PPFIA1: variants seen among roughly 807,000 people sequenced by gnomAD.
PPFIA1 encodes PPFI scaffold protein A1.
In PPFIA1, 25 loss-of-function variants were observed where a neutral mutation model predicts 149.9. That is an observed-to-expected ratio of 0.17 (90% confidence interval 0.12 to 0.23). The LOEUF is 0.23. Ranked by LOEUF, PPFIA1 falls within the 10% of genes least tolerant of loss-of-function variation. The pLI is 1.00. For synonymous variants in PPFIA1, 549 were observed against 552.8 expected, an observed-to-expected ratio of 0.99 and a Z score of 0.10; for missense variants, 1,362 against 1,506.5, an observed-to-expected ratio of 0.90 and a Z score of 1.59.
In PPFIA1 at chr11:70,376,570, G is replaced by C; in HGVS notation, c.3354G>C (p.Leu1118Phe). The C allele has an allele frequency of 6.2e-7, 1 of 1,613,986 alleles. No individual in the cohort carries two copies. The highest frequency in any genetic ancestry group is 2.2e-5 in the East Asian group (1 of 44,886). Residue 1118 changes from leucine to phenylalanine, a missense_variant, in exon 25 of 28, where the codon TTG (leucine) becomes TTC (phenylalanine). Transcript: ENST00000253925. The part of the protein sequence containing the change: ...AVLEREFNNL[L>F]VMGTDRRFDE... ...TGGAAAGAGAATTTAACAACCTTTT[G>C]GTCATGGGGACTGATAGAAGGTTTG... is the stretch of plus-strand genomic sequence containing the variant.
intron 11 of PPFIA1, among the ~76,000 whole-genome samples, chr11:70,336,838 G>T (rs1379221318): frequency 1.3e-5 from 2 of 152,206 alleles, no homozygotes; most frequent in Non-Finnish European, 2.9e-5. Flanking sequence ...GAGATTGGTT[G>T]TTAGGATTGG....
intron 2 of PPFIA1, among the ~76,000 whole-genome samples, chr11:70,324,136 G>A (rs1157139104): frequency 6.6e-6 from 1 of 152,244 alleles, no homozygotes; most frequent in Non-Finnish European, 1.5e-5. Flanking sequence ...TGGCTGCTGA[G>A]AAGGTGGACT....
chr11:70,305,456 C>T (rs2052785835), intron 2 of PPFIA1, among the ~76,000 whole-genome samples: 1 of 152,084 alleles, frequency 6.6e-6, no homozygotes, highest in South Asian at 2.1e-4. Flanking sequence ...CCTGCAGCCT[C>T]GACCTCCTGG....
chr11:70,305,094 C>T (rs2052758779), intron 2 of PPFIA1, among the ~76,000 whole-genome samples: 1 of 152,132 alleles, frequency 6.6e-6, no homozygotes, highest in Non-Finnish European at 1.5e-5. Context: ...AGCCAGTGGC[C>T]TAGTGTCCCG....
chr11:70,379,084 A>G (rs908778219), intron 26 of PPFIA1, among the ~76,000 whole-genome samples: 1 of 152,148 alleles, frequency 6.6e-6, no homozygotes, highest in Non-Finnish European at 1.5e-5. Context: ...CGATGATTGA[A>G]TGCCTCATTC....
At chr11:70,316,418 TTTTA>T (rs1190876679) in intron 2 of PPFIA1, among the ~76,000 whole-genome samples, 5 of 152,226 alleles carry the variant, frequency 3.3e-5, no homozygotes, top group Non-Finnish European at 7.3e-5. Flanking sequence ...CTGAGTGAAG[TTTTA>T]TTTCATTTTC....
intron 15 of PPFIA1, among the ~76,000 whole-genome samples, chr11:70,345,555 G>A (rs1436890743): frequency 6.6e-6 from 1 of 152,166 alleles, no homozygotes; most frequent in African/African-American, 2.4e-5. Context: ...GAAGGATGGA[G>A]TCTGTTTGTT....
At chr11:70,341,771 CAG>C (rs1181005711) in intron 14 of PPFIA1, 1 of 153,662 alleles carries the variant, frequency 6.5e-6, no homozygotes. Context: ...AGGAATGAGA[CAG>C]AGGCATGACC....
At chr11:70,283,928 C>T (rs1158373364) in intron 2 of PPFIA1, 1 of 492,202 alleles carries the variant, frequency 2.0e-6, no homozygotes, top group East Asian at 6.1e-5. Context: ...TTGGAAGTGT[C>T]CAGGTTTAGG....
intron 16 of PPFIA1, among the ~76,000 whole-genome samples, chr11:70,349,302 G>T (rs910659597): frequency 6.6e-6 from 1 of 152,098 alleles, no homozygotes; most frequent in Non-Finnish European, 1.5e-5. Flanking sequence ...GGTGTTTGGT[G>T]TTTGCAAAGT....
intron 19 of PPFIA1, among the ~76,000 whole-genome samples, chr11:70,361,156 A>G (rs1453192669): frequency 2.0e-5 from 3 of 152,200 alleles, no homozygotes; most frequent in Non-Finnish European, 2.9e-5. Flanking sequence ...GCACAGAACT[A>G]GTGTGAAATG....
intron 2 of PPFIA1, chr11:70,279,340 A>G: frequency 4.8e-6 from 1 of 209,438 alleles, no homozygotes; most frequent in Non-Finnish European, 9.5e-6. Context: ...CAGAGAAAGG[A>G]CTAATCAGAC....
chr11:70,282,018 GCT>G (rs1295068876), intron 2 of PPFIA1, among the ~76,000 whole-genome samples: 1 of 152,078 alleles, frequency 6.6e-6, no homozygotes, highest in African/African-American at 2.4e-5. Flanking sequence ...CCTCGCTTAG[GCT>G]ACCTTGTCCA....
rs754935628 is a variant in PPFIA1 at position 70,354,381 on chromosome 11, C to T, written c.2244C>T (p.Ala748=). 1 of 1,613,966 alleles carries T rather than the reference C, an allele frequency of 6.2e-7. No homozygotes were observed. The change falls in exon 17 of 28, where the codon GCC becomes GCT. Residue 748 remains alanine, a synonymous_variant. Transcript: ENST00000253925. ...CCTCCCCGCCTTCCTCCCCGAGAGCCCTTCGGTTAGACCGGCTGCACAAAG... is the reference window on the plus strand; with the variant it reads ...CCTCCCCGCCTTCCTCCCCGAGAGCTCTTCGGTTAGACCGGCTGCACAAAG... ...CETSPPSSPR[A]LRLDRLHKGA...
intron 2 of PPFIA1, among the ~76,000 whole-genome samples, chr11:70,285,999 C>T (rs1050921913): frequency 1.3e-5 from 2 of 152,130 alleles, no homozygotes; most frequent in Non-Finnish European, 2.9e-5. Context: ...AATGTGGGAG[C>T]ACTTTCCACT....
At chr11:70,356,719 C>G (rs763280098) in intron 19 of PPFIA1, among the ~76,000 whole-genome samples, 3 of 152,214 alleles carry the variant, frequency 2.0e-5, no homozygotes, top group Non-Finnish European at 4.4e-5. Context: ...CAAGTTGTAG[C>G]TGTGGCCAGT....
intron 2 of PPFIA1, among the ~76,000 whole-genome samples, chr11:70,275,371 T>C (rs1240522110): frequency 6.6e-6 from 1 of 152,218 alleles, no homozygotes; most frequent in African/African-American, 2.4e-5. Context: ...GTTTTTAGAC[T>C]CTTGTGTTTG....
chr11:70,324,537 T>A (rs745320124), intron 3 of PPFIA1, 34 bp downstream of exon 3: 3 of 1,521,792 alleles, frequency 2.0e-6, no homozygotes, highest in Non-Finnish European at 2.7e-6. Context: ...TGCCTGCCCC[T>A]GGAGCCACTG....
chr11:70,354,937 A>G (rs1029085856), intron 17 of PPFIA1, among the ~76,000 whole-genome samples: 1 of 151,866 alleles, frequency 6.6e-6, no homozygotes, highest in African/African-American at 2.4e-5. Flanking sequence ...TATCTATGCT[A>G]TCTTTTTTTT....
Sources: allele counts gnomAD v4.1 joint callset (sites outside exome capture counted in the v4.1 genomes callset), GRCh38; gene constraint gnomAD v4.1.1; transcripts MANE v1.5; gene names NCBI Gene and HGNC (gene_info 2026-07-23, HGNC 2026-07-21).